GLRA2: variants seen among roughly 807,000 people sequenced by gnomAD.
GLRA2 encodes glycine receptor alpha 2.
In GLRA2, 11 loss-of-function variants were observed where a neutral mutation model predicts 31.6. That is an observed-to-expected ratio of 0.35 (90% CI 0.22 to 0.58). The LOEUF is 0.58. Among genes scored for constraint, GLRA2 ranks in the 20% least tolerant of loss-of-function variants. The probability of loss-of-function intolerance (pLI) is 0.84; values close to 1 mark genes in which losing one functional copy is unlikely to be tolerated. For missense variants in GLRA2, 212 were observed against 351.8 expected, an observed-to-expected ratio of 0.60 and a Z score of 3.18; for synonymous variants, 132 against 134.0, an observed-to-expected ratio of 0.99 and a Z score of 0.10.
chrX:14,535,432 C>A (rs773981238), intron 2 of GLRA2, among the ~76,000 whole-genome samples: 1 of 111,541 alleles, frequency 9.0e-6, no homozygotes, highest in East Asian at 2.8e-4. Flanking sequence ...GAAAAGATAA[C>A]CACCAGAAAT....
At chrX:14,593,890 C>T (rs779967363) in intron 4 of GLRA2, among the ~76,000 whole-genome samples, 1 of 113,045 alleles carries the variant, frequency 8.8e-6, no homozygotes, top group South Asian at 3.6e-4. Context: ...TTTTGGGAGA[C>T]ATGTAGCTCA....
At chrX:14,720,960 C>T (rs1280881026) in intron 8 of GLRA2, among the ~76,000 whole-genome samples, 1 of 108,996 alleles carries the variant, frequency 9.2e-6, no homozygotes, top group East Asian at 2.9e-4. Flanking sequence ...AGTGAGACCC[C>T]CACCTCTACA....
rs1284257659 is a variant in GLRA2, at chrX:14,594,437, A to G, written c.495-9878A>G. ...TGCAGGCTACATTTTACCTTCACCA[A>G]TGTTTTGATATATAAATACTAGATG... On this transcript the variant is annotated intron_variant, in intron 4 of 8. Transcript: ENST00000218075. Among the ~76,000 whole-genome samples the G allele has an allele frequency of 3.6e-5, 4 of 111,360 alleles. No homozygotes were observed. In the Admixed American group the frequency reaches 3.9e-4, roughly 11 times the overall value.
intron 2 of GLRA2, among the ~76,000 whole-genome samples, chrX:14,536,420 C>T (rs986121418): frequency 5.4e-5 from 6 of 111,939 alleles, no homozygotes; most frequent in Non-Finnish European, 7.5e-5. Context: ...ATCGCCATTT[C>T]TTTGATCAGC....
chrX:14,547,817 T>C (rs1295423634), intron 2 of GLRA2, among the ~76,000 whole-genome samples: 5 of 111,699 alleles, frequency 4.5e-5, no homozygotes, highest in Non-Finnish European at 9.4e-5. Context: ...ACGTGCTCAG[T>C]CTAGAGTCTA....
intron 7 of GLRA2, among the ~76,000 whole-genome samples, chrX:14,647,051 G>C (rs1190687564): frequency 9.0e-6 from 1 of 111,679 alleles, no homozygotes; most frequent in Non-Finnish European, 1.9e-5. Context: ...GGGGAAGCAT[G>C]AACAGATGTT....
At chrX:14,722,336 C>T (rs2091876691) in intron 8 of GLRA2, among the ~76,000 whole-genome samples, 2 of 111,230 alleles carry the variant, frequency 1.8e-5, no homozygotes, top group Non-Finnish European at 3.8e-5. Flanking sequence ...TCCACATGGG[C>T]TACTTTGAGT....
the GLRA2 span, among the ~76,000 whole-genome samples, chrX:14,523,198 G>C: frequency 8.9e-6 from 1 of 111,847 alleles, no homozygotes; most frequent in African/African-American, 3.3e-5. Context: ...ATGTTATGGA[G>C]GTGGCTTCTT....
chrX:14,587,415 T>G (rs1002476745), intron 4 of GLRA2, among the ~76,000 whole-genome samples: 2 of 112,110 alleles, frequency 1.8e-5, no homozygotes, highest in Non-Finnish European at 3.8e-5. Context: ...CACCAACAGT[T>G]TGTGTTTGCT....
intron 8 of GLRA2, among the ~76,000 whole-genome samples, chrX:14,729,052 T>C (rs191154836): frequency 1.8e-5 from 2 of 112,548 alleles, no homozygotes; most frequent in Non-Finnish European, 3.8e-5. Context: ...GTTGTACCAT[T>C]TGAGTTTTAC....
the GLRA2 span, among the ~76,000 whole-genome samples, chrX:14,481,795 T>C: frequency 5.2e-4 from 57 of 110,204 alleles, no homozygotes; most frequent in Non-Finnish European, 8.9e-4. Context: ...AAAACACACA[T>C]GTATGTGCAT....
chrX:14,641,742 G>A (rs753289287), intron 7 of GLRA2, among the ~76,000 whole-genome samples: 6 of 111,745 alleles, frequency 5.4e-5, no homozygotes, highest in East Asian at 2.8e-4. Flanking sequence ...AAACATTCAC[G>A]TGTTGATCTG....
At chrX:14,663,790 GAT>G (rs2091013857) in intron 7 of GLRA2, among the ~76,000 whole-genome samples, 1 of 111,216 alleles carries the variant, frequency 9.0e-6, no homozygotes, top group Non-Finnish European at 1.9e-5. Flanking sequence ...GGGCTACTTA[GAT>G]TTTTTAAAAA....
intron 2 of GLRA2, among the ~76,000 whole-genome samples, chrX:14,538,596 A>T (rs752649821): frequency 1.3e-3 from 147 of 111,623 alleles, no homozygotes; most frequent in African/African-American, 4.7e-3. Context: ...CCTAAATATA[A>T]AACAATGAGG....
chrX:14,562,563 T>C (rs2089746967), intron 2 of GLRA2, among the ~76,000 whole-genome samples: 1 of 112,148 alleles, frequency 8.9e-6, no homozygotes, highest in Non-Finnish European at 1.9e-5. Context: ...GACTGAGTGG[T>C]TTAAACAACA....
At chrX:14,479,559 A>G in the GLRA2 span, among the ~76,000 whole-genome samples, 2 of 110,980 alleles carry the variant, frequency 1.8e-5, no homozygotes, top group East Asian at 2.8e-4. Context: ...AGTAGTCCCA[A>G]TTTCTATTGT....
At chrX:14,670,809 T>G (rs913242519) in intron 7 of GLRA2, among the ~76,000 whole-genome samples, 3 of 111,501 alleles carry the variant, frequency 2.7e-5, no homozygotes, top group Non-Finnish European at 1.9e-5. Flanking sequence ...AGGAGTAATT[T>G]GTACTTTCGT....
At chrX:14,687,375 C>G (rs1282551872) in intron 7 of GLRA2, among the ~76,000 whole-genome samples, 5 of 112,024 alleles carry the variant, frequency 4.5e-5, no homozygotes, top group Non-Finnish European at 9.4e-5. Context: ...GGGATGTTTT[C>G]CTGGATAATA....
chrX:14,469,268 A>C, the GLRA2 span, among the ~76,000 whole-genome samples: 8 of 111,904 alleles, frequency 7.1e-5, no homozygotes, highest in African/African-American at 2.6e-4. Flanking sequence ...GGTAATGCCT[A>C]GGTTTTCTTC....
Sources: gnomAD v4.1 joint callset for allele counts (sites outside exome capture counted in the v4.1 genomes callset) on GRCh38, gnomAD v4.1.1 for gene constraint, MANE v1.5 for transcripts, NCBI Gene and HGNC (gene_info 2026-07-23, HGNC 2026-07-21) for gene names.